NAALADL2: variants seen among roughly 807,000 people sequenced by gnomAD.
NAALADL2 encodes inactive N-acetylated-alpha-linked acidic dipeptidase-like protein 2.
NAALADL2 carries 76 observed loss-of-function variants against 87.2 expected under a neutral mutation model. That is an observed-to-expected ratio of 0.87 (90% CI 0.72 to 1.05). NAALADL2 has a LOEUF of 1.05. NAALADL2 is among the 50% of genes least tolerant of loss of function. The pLI, the probability that NAALADL2 is intolerant of heterozygous loss-of-function variation, is 0.00. For synonymous variants in NAALADL2, 354 were observed against 331.0 expected (o/e 1.07, Z -0.75); for missense variants, 1,089 against 945.8 (o/e 1.15, Z -1.99).
chr3:175,009,918 TGAAAC>T (rs1749555013), intron 1 of NAALADL2, among the ~76,000 whole-genome samples: 1 of 152,020 alleles, frequency 6.6e-6, no homozygotes, highest in Non-Finnish European at 1.5e-5. Flanking sequence ...ATGAAAGAAA[TGAAAC>T]AAATAAATGT....
Position 175,432,133 on chromosome 3 carries a change from C to G in NAALADL2, c.1091-15096C>G, listed in dbSNP as rs546745286. Reference sequence around the variant, plus strand: ...TGCATAGCTTACCAGCCATATGACTCTTAGCATTACATTATTTCTGAGCTT... The same window carrying G: ...TGCATAGCTTACCAGCCATATGACTGTTAGCATTACATTATTTCTGAGCTT... On this transcript the variant is annotated intron_variant, in intron 5 of 13. Coordinates refer to ENST00000454872, the MANE Select transcript of NAALADL2 (RefSeq NM_207015.3). 3.3e-5 allele frequency among the ~76,000 whole-genome samples: 5 copies of G among 152,140 alleles called. No homozygotes were observed. In the South Asian group the frequency reaches 1.0e-3, roughly 32 times the overall value.
chr3:174,788,337 G>C (rs560637157), intron 3 of NAALADL2, among the ~76,000 whole-genome samples: 3 of 152,158 alleles, frequency 2.0e-5, no homozygotes, highest in African/African-American at 7.2e-5. Context: ...GAAGACAAAA[G>C]GACGCATATT....
At chr3:175,162,105 AG>A (rs1378806325) in intron 2 of NAALADL2, among the ~76,000 whole-genome samples, 1 of 152,182 alleles carries the variant, frequency 6.6e-6, no homozygotes, top group Non-Finnish European at 1.5e-5. Context: ...ATTAATTACA[AG>A]GTCATAATCT....
intron 2 of NAALADL2, among the ~76,000 whole-genome samples, chr3:175,194,012 C>T (rs1738608287): frequency 6.6e-6 from 1 of 151,806 alleles, no homozygotes; most frequent in African/African-American, 2.4e-5. Flanking sequence ...TGTATATCTT[C>T]AAGTAACTGA....
intron 2 of NAALADL2, among the ~76,000 whole-genome samples, chr3:174,593,287 A>G (rs1415721141): frequency 6.6e-6 from 1 of 152,156 alleles, no homozygotes; most frequent in Admixed American, 6.5e-5. Context: ...GAAATGTATA[A>G]CAGAGTAACT....
At chr3:175,022,958 T>C (rs533050776) in intron 1 of NAALADL2, among the ~76,000 whole-genome samples, 1 of 152,096 alleles carries the variant, frequency 6.6e-6, no homozygotes, top group Admixed American at 6.6e-5. Flanking sequence ...GTTTGTTTGT[T>C]TTAATTACGT....
rs375046708 is a variant in NAALADL2 at position 175,044,342 on chromosome 3, T to C, written c.44-52448T>C. Among the ~76,000 whole-genome samples, 628 of 152,244 alleles carry C rather than the reference T, an allele frequency of 4.1e-3. 6 individuals carry two copies. Among genetic ancestry groups the C allele is most frequent in the South Asian group, 0.027 (130 of 4,830 alleles). On this transcript the variant is annotated intron_variant, in intron 1 of 13. Transcript: ENST00000454872. ...AAATGAGAAGAATGATTGAAATCAT[T>C]TCTCTCTCTCATCTCCAGTCTGAGA...
At chr3:174,671,954 TGATGATGAC>T (rs1355176570) in intron 2 of NAALADL2, among the ~76,000 whole-genome samples, 1 of 151,738 alleles carries the variant, frequency 6.6e-6, no homozygotes, top group African/African-American at 2.4e-5. Context: ...ATGATGATGA[TGATGATGAC>T]AGTGGTGATG....
chr3:174,659,692 G>C (rs1400352057), intron 2 of NAALADL2, among the ~76,000 whole-genome samples: 1 of 152,208 alleles, frequency 6.6e-6, no homozygotes, highest in African/African-American at 2.4e-5. Flanking sequence ...GAGTGAAAGG[G>C]AAGATAAGTC....
chr3:175,447,425 A>T (rs1385216293), intron 6 of NAALADL2, 53 bp downstream of exon 6: 2 of 1,200,300 alleles, frequency 1.7e-6, no homozygotes, highest in East Asian at 5.2e-5. Flanking sequence ...AAAGACCATG[A>T]TCATTTTTAA....
At chr3:175,649,765 C>A (rs1202633201) in intron 11 of NAALADL2, among the ~76,000 whole-genome samples, 1 of 152,122 alleles carries the variant, frequency 6.6e-6, no homozygotes, top group African/African-American at 2.4e-5. Context: ...CCCAGACCAT[C>A]TGTAAATATA....
intron 1 of NAALADL2, among the ~76,000 whole-genome samples, chr3:175,048,290 G>C (rs1281054532): frequency 6.6e-6 from 1 of 152,062 alleles, no homozygotes; most frequent in Non-Finnish European, 1.5e-5. Context: ...ACCTATTGTG[G>C]AAAGGAAGAA....
At chr3:175,418,264 G>A (rs1715021430) in intron 5 of NAALADL2, among the ~76,000 whole-genome samples, 1 of 152,138 alleles carries the variant, frequency 6.6e-6, no homozygotes, top group Admixed American at 6.6e-5. Flanking sequence ...CCTCAAGGCA[G>A]GAGCAAGAAG....
chr3:175,208,075 C>T (rs1218039554), intron 2 of NAALADL2, among the ~76,000 whole-genome samples: 1 of 152,134 alleles, frequency 6.6e-6, no homozygotes, highest in Non-Finnish European at 1.5e-5. Context: ...GAACAACATG[C>T]TCACTGTTTC....
chr3:175,090,750 A>G (rs938921652), intron 1 of NAALADL2, among the ~76,000 whole-genome samples: 1 of 152,122 alleles, frequency 6.6e-6, no homozygotes, highest in African/African-American at 2.4e-5. Context: ...TGTACTACTC[A>G]TTTTAGAGTA....
At chr3:174,987,590 A>C (rs1224681296) in intron 1 of NAALADL2, among the ~76,000 whole-genome samples, 14 of 141,662 alleles carry the variant, frequency 9.9e-5, no homozygotes, top group Admixed American at 8.4e-4. Context: ...AAAAAAAAAA[A>C]AAAAAAAACA....
At chr3:175,426,949 A>G (rs1220739177) in intron 5 of NAALADL2, among the ~76,000 whole-genome samples, 2 of 152,094 alleles carry the variant, frequency 1.3e-5, no homozygotes, top group Non-Finnish European at 1.5e-5. Flanking sequence ...TGACTAAGCA[A>G]CCTGAGCAAC....
chr3:175,324,861 G>C (rs767427870), intron 5 of NAALADL2, among the ~76,000 whole-genome samples: 2 of 152,172 alleles, frequency 1.3e-5, no homozygotes, highest in African/African-American at 4.8e-5. Flanking sequence ...GTATAGAGAT[G>C]GCTACTTTGC....
intron 10 of NAALADL2, among the ~76,000 whole-genome samples, chr3:175,625,090 G>A (rs1166050257): frequency 6.6e-6 from 1 of 151,986 alleles, no homozygotes; most frequent in Non-Finnish European, 1.5e-5. Flanking sequence ...CTAGATAGAA[G>A]TACAGAAGTG....
Sources: allele counts gnomAD v4.1 joint callset (sites outside exome capture counted in the v4.1 genomes callset), GRCh38; gene constraint gnomAD v4.1.1; transcripts MANE v1.5; gene names NCBI Gene and HGNC (gene_info 2026-07-23, HGNC 2026-07-21).